Variants in GALNT9 observed in about 807,000 individuals in gnomAD.
GALNT9 encodes the protein GalNAc transferase 9.
A neutral mutation model predicts 63.1 loss-of-function variants in GALNT9; 47 were observed. That is an observed-to-expected ratio of 0.75 (90% CI 0.59 to 0.95). The LOEUF (loss-of-function observed/expected upper bound fraction) is 0.95, where lower values mean the gene tolerates loss of function less well. GALNT9 is among the 40% of genes least tolerant of loss of function. The probability of loss-of-function intolerance (pLI) is 0.00; values close to 1 mark genes in which losing one functional copy is unlikely to be tolerated. For synonymous variants in GALNT9, 396 were observed against 365.7 expected, an observed-to-expected ratio of 1.08 and a Z score of -0.94; for missense variants, 829 against 874.8, an observed-to-expected ratio of 0.95 and a Z score of 0.66.
intron 1 of GALNT9, among the ~76,000 whole-genome samples, chr12:132,326,316 T>C (rs1869034933): frequency 6.6e-6 from 1 of 152,250 alleles, no homozygotes; most frequent in African/African-American, 2.4e-5. Flanking sequence ...TTTTTGTGTA[T>C]AAACATTTTT....
rs1299843258 is a variant in GALNT9 at position 132,260,932 on chromosome 12, C to G, written c.761+16G>C. The G allele has an allele frequency of 6.6e-7, 1 of 1,517,876 alleles. No homozygotes were observed. Among genetic ancestry groups the G allele is most frequent in the Non-Finnish European group, 8.8e-7 (1 of 1,133,344 alleles). 94.0% of individuals were successfully genotyped at this position (1,517,876 alleles called of 1,614,324 possible). ...GACCCGCTGAGACTGGCTGTCCAGC[C>G]TGTTCCGGCCCTTACCAGCCCGTGT... On this transcript the variant is annotated intron_variant, in intron 4 of 10. Transcript: ENST00000328957.
chr12:132,255,315 A>G (rs138007820), intron 5 of GALNT9, among the ~76,000 whole-genome samples: 101 of 152,302 alleles, frequency 6.6e-4, no homozygotes, highest in African/African-American at 1.2e-3. Flanking sequence ...TAAGTATTTT[A>G]CCCCAAAATG....
At position 132,287,490 on chromosome 12, in the gene GALNT9, A is replaced by G. The variant is rs192064778; in HGVS notation, c.239-1060T>C. Among the ~76,000 whole-genome samples the G allele has an allele frequency of 5.9e-3, 901 of 152,294 alleles. 11 individuals carry two copies. The highest frequency in any genetic ancestry group is 0.02 in the African/African-American group (845 of 41,568). On this transcript the variant is annotated intron_variant, in intron 1 of 10. Coordinates refer to ENST00000328957, the MANE Select transcript of GALNT9 (RefSeq NM_001122636.2). ...CGTGCTGCTACTCTGGGGTAGGAAG[A>G]ACCGAGCCGTCGACACAGGCAGCAG...
chr12:132,304,419 ACCCGGGCACAG>A (rs1881473990), intron 1 of GALNT9, among the ~76,000 whole-genome samples: 1 of 81,536 alleles, frequency 1.2e-5, no homozygotes, highest in Non-Finnish European at 2.4e-5. Context: ...ACACGCCCTC[ACCCGGGCACAG>A]CCTCGCCCGG....
intron 5 of GALNT9, among the ~76,000 whole-genome samples, chr12:132,255,140 A>G (rs1879062774): frequency 1.3e-5 from 2 of 152,182 alleles, no homozygotes; most frequent in South Asian, 4.1e-4. Context: ...AACCCAGGAA[A>G]ACGAGCTCAG....
At chr12:132,294,210 T>C (rs1880966099) in intron 1 of GALNT9, among the ~76,000 whole-genome samples, 1 of 152,130 alleles carries the variant, frequency 6.6e-6, no homozygotes, top group African/African-American at 2.4e-5. Context: ...CCCAGAGCTG[T>C]CCCTGGAGCA....
At chr12:132,287,018 G>A (rs1226426400) in intron 1 of GALNT9, among the ~76,000 whole-genome samples, 1 of 139,992 alleles carries the variant, frequency 7.1e-6, no homozygotes, top group Non-Finnish European at 1.5e-5. Flanking sequence ...TTGTTCTTAC[G>A]CAATTGTCCA....
intron 1 of GALNT9, among the ~76,000 whole-genome samples, chr12:132,320,582 C>T (rs188414566): frequency 5.1e-5 from 2 of 38,978 alleles, no homozygotes; most frequent in Admixed American, 5.0e-4. Context: ...AAATGGGATG[C>T]TGCATTGAGA....
intron 4 of GALNT9, among the ~76,000 whole-genome samples, chr12:132,258,296 A>G (rs1287105348): frequency 6.6e-6 from 1 of 152,126 alleles, no homozygotes; most frequent in Non-Finnish European, 1.5e-5. Context: ...AGCTGCATTC[A>G]TTTGCAAGAA....
In GALNT9 at chr12:132,257,865, C is replaced by T. The variant is rs1555239283; in HGVS notation, c.783G>A (p.Arg261=). 6.5e-7 allele frequency: 1 copy of T among 1,546,536 alleles called. No homozygotes were observed. The highest frequency in any genetic ancestry group is 8.7e-7 in the Non-Finnish European group (1 of 1,145,530). ...NTGWAEPALS[R]IREDRRRIVL... The stretch of plus-strand genomic sequence containing the variant: ...CGATGCGACGCCGGTCCTCTCGGAT[C>T]CGCGACAGTGCGGGCTCGGCCCTGC... The change falls in exon 5 of 11, where the codon CGG becomes CGA. Residue 261 remains arginine (R), a synonymous_variant. Transcript: ENST00000328957.
intron 6 of GALNT9, among the ~76,000 whole-genome samples, chr12:132,227,752 C>A (rs891516549): frequency 3.3e-5 from 5 of 152,054 alleles, no homozygotes; most frequent in Admixed American, 3.3e-4. Flanking sequence ...GATGGGGAAA[C>A]GGAGGCTCAG....
intron 4 of GALNT9, among the ~76,000 whole-genome samples, chr12:132,259,567 A>G (rs1879287011): frequency 6.6e-6 from 1 of 152,210 alleles, no homozygotes; most frequent in Non-Finnish European, 1.5e-5. Context: ...ATGCCCCAGG[A>G]AAGCCGAGTG....
chr12:132,291,047 C>T lies in GALNT9; in HGVS notation c.239-4617G>A, dbSNP rs111205325. ...ACATCCACAGCGCCCACGTCCACAG[C>T]GCCCACATCCTCAGCACCCACAACC... On this transcript the variant is annotated intron_variant, in intron 1 of 10. Transcript: ENST00000328957. Among the ~76,000 whole-genome samples the T allele has an allele frequency of 7.6e-3, 614 of 80,606 alleles. 66 individuals carry two copies. Among genetic ancestry groups the T allele is most frequent in the African/African-American group, 0.025 (574 of 22,724 alleles). The allele number at this position is 80,606 out of a possible 152,430, so 52.9% of individuals were successfully genotyped here. A position where few individuals can be genotyped will look rare whatever the true frequency, so the allele number is the denominator to read the frequency against.
chr12:132,287,283 C>T (rs1880638360), intron 1 of GALNT9, among the ~76,000 whole-genome samples: 2 of 152,188 alleles, frequency 1.3e-5, no homozygotes, highest in South Asian at 2.1e-4. Context: ...GCGGGAACTC[C>T]GCTCAGTCTC....
chr12:132,325,934 GCCGCTGC>G (rs1434734853), intron 1 of GALNT9, among the ~76,000 whole-genome samples: 4 of 152,266 alleles, frequency 2.6e-5, no homozygotes, highest in Non-Finnish European at 5.9e-5. Flanking sequence ...AGTGAGTCCA[GCCGCTGC>G]GACGCGGGCG....
At position 132,305,629 on chromosome 12, in the gene GALNT9, A is replaced by G. The variant is rs1297243069; in HGVS notation, c.239-19199T>C. Among the ~76,000 whole-genome samples the G allele has an allele frequency of 1.1e-4, 16 of 148,998 alleles. No homozygotes were observed. In the East Asian group the frequency reaches 2.8e-3, roughly 26 times the overall value. ...CCCGGGCACACCCTCACCCGGGCACACCCTCACCCGGACACGCCCTCGCCC... is the reference window on the plus strand; with the variant it reads ...CCCGGGCACACCCTCACCCGGGCACGCCCTCACCCGGACACGCCCTCGCCC... On this transcript the variant is annotated intron_variant, in intron 1 of 10. Coordinates refer to ENST00000328957, the MANE Select transcript of GALNT9 (RefSeq NM_001122636.2).
intron 2 of GALNT9, 32 bp from the exon 3 acceptor site, chr12:132,262,657 G>A (rs1555239889): frequency 1.3e-6 from 2 of 1,485,846 alleles, no homozygotes; most frequent in Non-Finnish European, 1.8e-6. Flanking sequence ...GTGCGGTCAG[G>A]GCGCAGCATG....
chr12:132,307,918 C>T (rs1375020628), intron 1 of GALNT9, among the ~76,000 whole-genome samples: 1 of 151,894 alleles, frequency 6.6e-6, no homozygotes, highest in African/African-American at 2.4e-5. Context: ...CACCTGTAAT[C>T]CCCGCACACT....
intron 2 of GALNT9, among the ~76,000 whole-genome samples, chr12:132,266,357 G>T (rs776978232): frequency 5.9e-5 from 9 of 152,256 alleles, no homozygotes; most frequent in Non-Finnish European, 8.8e-5. Context: ...CTTTGGACTT[G>T]CTCTCAAATT....
Sources: allele counts gnomAD v4.1 joint callset (sites outside exome capture counted in the v4.1 genomes callset), GRCh38; gene constraint gnomAD v4.1.1; transcripts MANE v1.5; gene names NCBI Gene and HGNC (gene_info 2026-07-23, HGNC 2026-07-21).